KLHL5: variants seen among roughly 807,000 people sequenced by gnomAD.
KLHL5 encodes the protein kelch like family member 5, also known as kelch-like protein 5.
KLHL5 carries 48 observed loss-of-function variants against 77.7 expected under a neutral mutation model. The ratio of observed to expected loss-of-function variants is 0.62; its 90% confidence interval spans 0.49 to 0.79. KLHL5 has a LOEUF of 0.79. KLHL5 is among the 30% of genes least tolerant of loss of function. KLHL5 has a pLI of 0.00. For missense variants in KLHL5, 723 were observed against 859.7 expected (o/e 0.84, Z 1.99); for synonymous variants, 260 against 297.0 (o/e 0.88, Z 1.28).
At chr4:39,045,076 C>T (rs1716052364) in exon 1 of KLHL5, 6 of 988,192 alleles carry the variant, frequency 6.1e-6, no homozygotes, top group Non-Finnish European at 7.2e-6. Context: ...TGACCCACGG[C>T]CGCCTCCGGA....
chr4:39,136,280 C>T, the KLHL5 span, among the ~76,000 whole-genome samples: 1 of 152,012 alleles, frequency 6.6e-6, no homozygotes, highest in Non-Finnish European at 1.5e-5. Context: ...CTGTCTCAGC[C>T]TCCCGAGTAG....
intron 6 of KLHL5, among the ~76,000 whole-genome samples, chr4:39,100,089 G>A (rs1295504664): frequency 2.0e-5 from 3 of 151,988 alleles, no homozygotes; most frequent in African/African-American, 7.3e-5. Flanking sequence ...TCTATTTGAT[G>A]CTCAGCTTTT....
At chr4:39,051,402 G>A (rs2566117) in intron 1 of KLHL5, among the ~76,000 whole-genome samples, 110,641 of 151,594 alleles carry the variant, frequency 0.73, 40,513 homozygotes, top group East Asian at 0.82. Context: ...ATGAGTAAAA[G>A]CTGTGTATGA....
intron 6 of KLHL5, among the ~76,000 whole-genome samples, chr4:39,102,657 A>G (rs1041406206): frequency 1.3e-5 from 2 of 152,064 alleles, no homozygotes; most frequent in Admixed American, 1.3e-4. Context: ...CTTTCCTCTC[A>G]ACCAGATCCT....
chr4:39,059,977 C>G (rs1717278361), upstream of KLHL5, among the ~76,000 whole-genome samples: 1 of 152,110 alleles, frequency 6.6e-6, no homozygotes, highest in African/African-American at 2.4e-5. Flanking sequence ...GATATAAAAG[C>G]CTCACAAGGA....
At chr4:39,100,865 C>G (rs1006462018) in intron 6 of KLHL5, among the ~76,000 whole-genome samples, 2 of 151,840 alleles carry the variant, frequency 1.3e-5, no homozygotes, top group Non-Finnish European at 1.5e-5. Context: ...ATCTTATTTC[C>G]CATCTTTGTA....
At chr4:39,138,103 TTTTACACACAA>T in the KLHL5 span, among the ~76,000 whole-genome samples, 1 of 149,396 alleles carries the variant, frequency 6.7e-6, no homozygotes, top group Non-Finnish European at 1.5e-5. Flanking sequence ...GAAGTGCTCC[TTTTACACACAA>T]GTTACACACA....
chr4:39,080,777 A>C (rs1719544844), intron 2 of KLHL5, among the ~76,000 whole-genome samples: 1 of 152,098 alleles, frequency 6.6e-6, no homozygotes, highest in Non-Finnish European at 1.5e-5. Flanking sequence ...GGCTTAGTTT[A>C]TTTTCAAAAA....
At chr4:39,075,940 A>C (rs1316582847) in intron 1 of KLHL5, 25 bp from the exon 2 acceptor site, 1 of 1,581,286 alleles carries the variant, frequency 6.3e-7, no homozygotes, top group Non-Finnish European at 8.6e-7. Context: ...GATATTTCAA[A>C]ATGTGTGTTT....
chr4:39,077,303 CA>C (rs775916929), intron 2 of KLHL5, among the ~76,000 whole-genome samples: 19 of 150,732 alleles, frequency 1.3e-4, no homozygotes, highest in African/African-American at 4.1e-4. Flanking sequence ...CTAAAAATAA[CA>C]AAAAAAAATT....
Position 39,124,078 on chromosome 4 carries a change from A to G in KLHL5, c.*3012A>G, listed in dbSNP as rs1723380258. Among the ~76,000 whole-genome samples the G allele has an allele frequency of 6.6e-6, 1 of 152,222 alleles. No homozygotes were observed. Among genetic ancestry groups the G allele is most frequent in the African/African-American group, 2.4e-5 (1 of 41,472 alleles). ...CATTTACAATAACATGAAAAAGAAT[A>G]AAATACTTAGAAATAAATTTGACCA... On this transcript the variant is annotated 3_prime_UTR_variant, in exon 11 of 11. Transcript: ENST00000504108.
the KLHL5 span, among the ~76,000 whole-genome samples, chr4:39,141,831 G>A: frequency 6.6e-6 from 1 of 152,142 alleles, no homozygotes; most frequent in Non-Finnish European, 1.5e-5. Context: ...GAGGCTAGCA[G>A]CAGCCACAAT....
intron 1 of KLHL5, among the ~76,000 whole-genome samples, chr4:39,045,739 A>C (rs1005320360): frequency 4.6e-5 from 7 of 152,168 alleles, no homozygotes; most frequent in African/African-American, 1.7e-4. Context: ...TTATCGCTTC[A>C]TTTCATTTTC....
At chr4:39,103,959 G>A (rs1721819681) in intron 7 of KLHL5, among the ~76,000 whole-genome samples, 1 of 99,742 alleles carries the variant, frequency 1.0e-5, no homozygotes, top group South Asian at 3.3e-4. Flanking sequence ...CTCCAGCCTG[G>A]CAAAACATCT....
At chr4:39,109,291 T>C (rs1722270338) in intron 8 of KLHL5, among the ~76,000 whole-genome samples, 1 of 152,160 alleles carries the variant, frequency 6.6e-6, no homozygotes, top group Admixed American at 6.5e-5. Context: ...CTTTAACTTA[T>C]TACTTATTTA....
intron 1 of KLHL5, among the ~76,000 whole-genome samples, chr4:39,049,403 GC>G (rs1169354961): frequency 1.3e-5 from 2 of 152,174 alleles, no homozygotes; most frequent in Middle Eastern, 3.2e-3. Flanking sequence ...TGTATAAGGG[GC>G]CAGGTGTAGT....
chr4:39,135,794 C>T, the KLHL5 span, among the ~76,000 whole-genome samples: 14 of 152,184 alleles, frequency 9.2e-5, 2 homozygotes, highest in South Asian at 2.7e-3. Flanking sequence ...ATCCCAGCTA[C>T]TTGGGAGGCT....
chr4:39,076,783 AC>A (rs1475605663), intron 2 of KLHL5, among the ~76,000 whole-genome samples: 1 of 148,388 alleles, frequency 6.7e-6, no homozygotes, highest in African/African-American at 2.5e-5. Context: ...AAACTAATTG[AC>A]ACTGTGTCCC....
intron 1 of KLHL5, among the ~76,000 whole-genome samples, chr4:39,064,518 T>G (rs9996544): frequency 0.028 from 4,307 of 152,194 alleles, 179 homozygotes; most frequent in African/African-American, 0.097. Flanking sequence ...AAATAAAACA[T>G]TCATTTACCA....
Sources: gnomAD v4.1 joint callset for allele counts (sites outside exome capture counted in the v4.1 genomes callset) on GRCh38, gnomAD v4.1.1 for gene constraint, MANE v1.5 for transcripts, NCBI Gene and HGNC (gene_info 2026-07-23, HGNC 2026-07-21) for gene names.